The following AHRR variants were observed in gnomAD, a reference collection of about 807,000 sequenced individuals.
AHRR encodes ahR repressor.
Under a neutral mutation model 44.0 loss-of-function variants are expected in AHRR, and 28 were observed. The observed-to-expected ratio is 0.64, with a 90% CI of 0.47 to 0.87. AHRR has a LOEUF of 0.87. Among genes scored for constraint, AHRR ranks in the 40% least tolerant of loss-of-function variants. AHRR has a pLI of 0.00. For synonymous variants in AHRR, 434 were observed against 407.0 expected (o/e 1.07, Z -0.80); for missense variants, 990 against 953.9 (o/e 1.04, Z -0.50).
intron 4 of AHRR, among the ~76,000 whole-genome samples, chr5:396,676 T>C (rs1734719645): frequency 6.6e-6 from 1 of 152,164 alleles, no homozygotes; most frequent in Non-Finnish European, 1.5e-5. Context: ...CAGATGTATG[T>C]AATAAATAAA....
At chr5:409,729 C>T (rs183057449) in intron 4 of AHRR, among the ~76,000 whole-genome samples, 138 of 151,850 alleles carry the variant, frequency 9.1e-4, no homozygotes, top group African/African-American at 3.2e-3. Context: ...ATGTGCTGTG[C>T]ATATTTTTTC....
chr5:380,933 A>G (rs1579644745), intron 4 of AHRR, among the ~76,000 whole-genome samples: 1 of 152,238 alleles, frequency 6.6e-6, no homozygotes, highest in Admixed American at 6.5e-5. Context: ...GAACTAGAGA[A>G]GCTGATGATG....
At position 432,444 on chromosome 5, in the gene AHRR, T is replaced by G. The variant is rs764292140; in HGVS notation, c.909-19T>G. ...TGTTCATCCGTCACATGTCACATGTTCATCTGTGTTCTTCACAGAGTAAAA... is the reference window on the plus strand; with the variant it reads ...TGTTCATCCGTCACATGTCACATGTGCATCTGTGTTCTTCACAGAGTAAAA... On this transcript the variant is annotated intron_variant, in intron 8 of 10. Coordinates refer to ENST00000684583, the MANE Select transcript of AHRR (RefSeq NM_001377236.1). 6.2e-7 allele frequency: 1 copy of G among 1,613,140 alleles called. No individual in the cohort carries two copies. Among genetic ancestry groups the G allele is most frequent in the Non-Finnish European group, 8.5e-7 (1 of 1,179,144 alleles).
chr5:328,711 A>C (rs1741811781), intron 1 of AHRR, among the ~76,000 whole-genome samples: 1 of 152,102 alleles, frequency 6.6e-6, no homozygotes. Flanking sequence ...TCCTTTGCTT[A>C]CTTTTTAATG....
At chr5:393,312 C>CA (rs1734555889) in intron 4 of AHRR, among the ~76,000 whole-genome samples, 1 of 152,234 alleles carries the variant, frequency 6.6e-6, no homozygotes, top group South Asian at 2.1e-4. Context: ...CTTGTCTTTG[C>CA]ACCTAACGTT....
At chr5:400,398 C>T (rs937209795) in intron 4 of AHRR, among the ~76,000 whole-genome samples, 1 of 152,210 alleles carries the variant, frequency 6.6e-6, no homozygotes, top group African/African-American at 2.4e-5. Flanking sequence ...CCTGCCCCGA[C>T]CTCCGTTGTC....
In AHRR at chr5:387,042, G is replaced by A. The variant is rs746449101; in HGVS notation, c.351+10326G>A. ...TTCTGGGAGCCTTGTTTCCATATCCGTTTGATTGTCAAAGCCTCTGCTGCA... is the reference window on the plus strand; with the variant it reads ...TTCTGGGAGCCTTGTTTCCATATCCATTTGATTGTCAAAGCCTCTGCTGCA... On this transcript the variant is annotated intron_variant, in intron 4 of 10. Coordinates refer to ENST00000684583, the MANE Select transcript of AHRR (RefSeq NM_001377236.1). The surrounding 1 kb of genome is among the most constrained non-coding windows in gnomAD (Gnocchi z 5.1). Among the ~76,000 whole-genome samples, 4 of 152,214 alleles carry A rather than the reference G, an allele frequency of 2.6e-5. No homozygotes were observed. Among genetic ancestry groups the A allele is most frequent in the East Asian group, 3.9e-4 (2 of 5,192 alleles).
intron 4 of AHRR, among the ~76,000 whole-genome samples, chr5:402,144 T>A (rs909340041): frequency 6.6e-6 from 1 of 152,156 alleles, no homozygotes; most frequent in African/African-American, 2.4e-5. Context: ...AAGGACCTGA[T>A]AGACGCTTCT....
intron 4 of AHRR, among the ~76,000 whole-genome samples, chr5:393,251 C>T (rs956314072): frequency 1.3e-5 from 2 of 152,254 alleles, no homozygotes; most frequent in African/African-American, 4.8e-5. Context: ...GCCCTCCCCA[C>T]GTTGGCAGCA....
intron 5 of AHRR, among the ~76,000 whole-genome samples, chr5:413,833 C>T (rs960450691): frequency 1.3e-5 from 2 of 152,206 alleles, no homozygotes; most frequent in Non-Finnish European, 2.9e-5. Context: ...CCCTTCCTGA[C>T]GTGCGAGTGG....
At chr5:394,162 G>T (rs540806254) in intron 4 of AHRR, among the ~76,000 whole-genome samples, 14 of 152,354 alleles carry the variant, frequency 9.2e-5, no homozygotes, top group South Asian at 6.2e-4. Context: ...CTGGGTGGCA[G>T]GAGGGAGGCC....
rs1418830494 is a variant in AHRR at position 436,341 on chromosome 5, G to C, written c.*1507G>C. On this transcript the variant is annotated 3_prime_UTR_variant, in exon 11 of 11. Coordinates refer to ENST00000684583, the MANE Select transcript of AHRR (RefSeq NM_001377236.1). ...GTGGACGCCCTCTCTGTTGTCAGTG[G>C]CTTTGAGGTGTCAGTGCTTACTTAG... The C allele has an allele frequency of 9.2e-6, 1 of 108,788 alleles. No individual in the cohort carries two copies. The highest frequency in any genetic ancestry group is 2.1e-5 in the Non-Finnish European group (1 of 47,722). 6.7% of individuals were successfully genotyped at this position (108,788 alleles called of 1,614,324 possible).
At chr5:369,487 T>C (rs966006795) in intron 3 of AHRR, among the ~76,000 whole-genome samples, 3 of 152,234 alleles carry the variant, frequency 2.0e-5, no homozygotes, top group Non-Finnish European at 2.9e-5. Context: ...TAGGCGAGCA[T>C]GCAGCACAGC....
intron 6 of AHRR, 77 bp downstream of exon 6, chr5:422,935 C>G: frequency 2.0e-6 from 3 of 1,495,910 alleles, no homozygotes; most frequent in Non-Finnish European, 2.7e-6. Flanking sequence ...TGGAAATGAC[C>G]CTGTCGCACC....
rs1735263891 is a variant in AHRR at position 406,442 on chromosome 5, A to C, written c.352-6902A>C. Among the ~76,000 whole-genome samples the C allele has an allele frequency of 6.6e-6, 1 of 152,264 alleles. No homozygotes were observed. Among genetic ancestry groups the C allele is most frequent in the Non-Finnish European group, 1.5e-5 (1 of 68,042 alleles). Reference sequence around the variant, plus strand: ...GTGTGAGCTAGCTACTCTGAACATAATCATAATTGCATTGGTAAGGAAGAA... The same window carrying C: ...GTGTGAGCTAGCTACTCTGAACATACTCATAATTGCATTGGTAAGGAAGAA... On this transcript the variant is annotated intron_variant, in intron 4 of 10. Transcript: ENST00000684583. This position sits in a 1 kb window ranked among gnomAD's most constrained non-coding sequence, Gnocchi z 4.7.
At chr5:418,796 T>G (rs1230589928) in intron 5 of AHRR, 1 of 152,598 alleles carries the variant, frequency 6.6e-6, no homozygotes, top group Admixed American at 6.5e-5. Context: ...CCTCATGATC[T>G]GGCGCAGCAC....
intron 3 of AHRR, among the ~76,000 whole-genome samples, chr5:356,519 G>A (rs528373148): frequency 7.9e-5 from 11 of 139,332 alleles, no homozygotes; most frequent in South Asian, 2.6e-4. Context: ...GGCAGTCAGC[G>A]ACTGAGGAAG....
At chr5:403,496 T>G (rs1355207467) in intron 4 of AHRR, among the ~76,000 whole-genome samples, 1 of 151,834 alleles carries the variant, frequency 6.6e-6, no homozygotes, top group Non-Finnish European at 1.5e-5. Context: ...ATTAGCTGGG[T>G]GTGGTGGCGC....
chr5:353,981 C>T, intron 3 of AHRR, 70 bp downstream of exon 3: 1 of 1,490,298 alleles, frequency 6.7e-7, no homozygotes, highest in South Asian at 1.3e-5. Context: ...CATCTGGGGC[C>T]TTGTGGCCAG....
Sources: allele counts gnomAD v4.1 joint callset (sites outside exome capture counted in the v4.1 genomes callset), GRCh38; gene constraint gnomAD v4.1.1; non-coding constraint Gnocchi (gnomAD v3.1); transcripts MANE v1.5; gene names NCBI Gene and HGNC (gene_info 2026-07-23, HGNC 2026-07-21).